Variants in SLF1 observed in about 807,000 individuals in gnomAD.
The protein encoded by SLF1 is SMC5-SMC6 complex localization factor protein 1.
A neutral mutation model predicts 123.0 loss-of-function variants in SLF1; 105 were observed. The ratio of observed to expected loss-of-function variants is 0.85; its 90% CI spans 0.73 to 1.00. SLF1 has a LOEUF of 1.00. Among genes scored for constraint, SLF1 ranks in the 50% least tolerant of loss-of-function variants. The probability of loss-of-function intolerance (pLI) is 0.00; values close to 1 mark genes in which losing one functional copy is unlikely to be tolerated. For missense variants in SLF1, 1,239 were observed against 1,223.0 expected (o/e 1.01, Z -0.20); for synonymous variants, 434 against 406.6 (o/e 1.07, Z -0.81).
intron 9 of SLF1, among the ~76,000 whole-genome samples, chr5:94,661,093 A>G (rs1164468927): frequency 6.6e-6 from 1 of 152,130 alleles, no homozygotes; most frequent in Non-Finnish European, 1.5e-5. Flanking sequence ...ACCTGGCGCC[A>G]TGCTGCAGCC....
At chr5:94,649,635 T>C in intron 6 of SLF1, 38 bp downstream of exon 6, 1 of 1,410,382 alleles carries the variant, frequency 7.1e-7, no homozygotes, top group Non-Finnish European at 9.4e-7. Flanking sequence ...ATTTCTGATG[T>C]TTCTTATAGA....
intron 18 of SLF1, 119 bp downstream of exon 18, chr5:94,689,725 G>A: frequency 6.0e-6 from 5 of 831,832 alleles, no homozygotes; most frequent in Non-Finnish European, 7.4e-6. Flanking sequence ...ACTAGGTCCA[G>A]GAAGTACCTT....
In SLF1 at chr5:94,629,146, T is replaced by A. The variant is rs1744933071; in HGVS notation, c.169T>A (p.Phe57Ile). The A allele has an allele frequency of 6.5e-7, 1 of 1,548,132 alleles. No homozygotes were observed. The highest frequency in any genetic ancestry group is 8.7e-7 in the Non-Finnish European group (1 of 1,145,684). ...IAERLCKSEK[F>I]LAACAAGKWI... ...TGAACGCCTATGTAAGAGTGAAAAA[T>A]TTTTAGCAGCTTGTGCGGCAGGTAA... Residue 57 changes from phenylalanine to isoleucine, a missense_variant, in exon 3 of 21, where the codon TTT becomes ATT. By Grantham distance (21) the Phe-to-Ile change is conservative (BLOSUM62 0). Transcript: ENST00000265140.
At chr5:94,634,822 T>A (rs1745573444) in intron 4 of SLF1, among the ~76,000 whole-genome samples, 1 of 152,156 alleles carries the variant, frequency 6.6e-6, no homozygotes, top group Admixed American at 6.5e-5. Context: ...ATTTAAAAAT[T>A]TATCTGTTGG....
chr5:94,688,221 T>C (rs1752675152), intron 16 of SLF1, among the ~76,000 whole-genome samples: 1 of 152,090 alleles, frequency 6.6e-6, no homozygotes, highest in African/African-American at 2.4e-5. Flanking sequence ...TCATACCTGT[T>C]GGGCATAAGA....
At chr5:94,691,362 G>A in intron 18 of SLF1, 1 of 499,848 alleles carries the variant, frequency 2.0e-6, no homozygotes, top group Non-Finnish European at 3.5e-6. Context: ...AACAGAAGCA[G>A]TATGGATTGG....
intron 1 of SLF1, among the ~76,000 whole-genome samples, chr5:94,626,019 C>T (rs1032137275): frequency 4.6e-5 from 7 of 151,690 alleles, no homozygotes; most frequent in Non-Finnish European, 8.8e-5. Context: ...CTTGGGAGGC[C>T]GAGGCAGGCA....
chr5:94,623,486 T>G (rs1048204094), intron 1 of SLF1, among the ~76,000 whole-genome samples: 1 of 152,142 alleles, frequency 6.6e-6, no homozygotes, highest in Non-Finnish European at 1.5e-5. Flanking sequence ...TTTTGCTTTT[T>G]TTTTCCCTCC....
intron 12 of SLF1, among the ~76,000 whole-genome samples, chr5:94,669,658 G>A (rs1750213212): frequency 6.6e-6 from 1 of 151,776 alleles, no homozygotes; most frequent in Non-Finnish European, 1.5e-5. Flanking sequence ...GGAGAGGACT[G>A]CTCTAGAAGA....
rs762000673 is a variant in SLF1, at chr5:94,663,853, C to G, written c.1313C>G (p.Ala438Gly). 32 of 1,550,890 alleles carry G rather than the reference C, an allele frequency of 2.1e-5. 1 individual carries two copies. In the South Asian group the frequency reaches 3.8e-4, roughly 19 times the overall value. Reference protein sequence around the residue: ...EAIEELSTLQAHYIPPVCVLH... With the variant: ...EAIEELSTLQGHYIPPVCVLH... ...ATTGAGGAACTTTCCACTTTGCAGG[C>G]ACATTATATCCCTCCTGTATGCGTT... is the stretch of plus-strand genomic sequence containing the variant. Residue 438 changes from alanine to glycine, a missense_variant, in exon 11 of 21, where the codon GCA (alanine) becomes GGA (glycine). Transcript: ENST00000265140.
intron 15 of SLF1, among the ~76,000 whole-genome samples, chr5:94,680,732 G>A (rs1751664523): frequency 6.6e-6 from 1 of 152,164 alleles, no homozygotes; most frequent in Non-Finnish European, 1.5e-5. Context: ...TCTACTACCT[G>A]TTATACATTT....
intron 12 of SLF1, among the ~76,000 whole-genome samples, chr5:94,669,191 T>C (rs921859461): frequency 2.0e-5 from 3 of 152,176 alleles, no homozygotes; most frequent in African/African-American, 7.2e-5. Context: ...CCATAATGCA[T>C]AGAGAAACGT....
intron 5 of SLF1, 151 bp from the exon 6 acceptor site, chr5:94,649,303 T>G (rs1747412211): frequency 3.8e-6 from 2 of 523,130 alleles, no homozygotes; most frequent in East Asian, 7.0e-5. Context: ...AAGATTTTTA[T>G]CAGTGTTTAA....
intron 19 of SLF1, among the ~76,000 whole-genome samples, 199 bp from the exon 20 acceptor site, chr5:94,691,875 C>A (rs1470853467): frequency 6.6e-6 from 1 of 151,956 alleles, no homozygotes; most frequent in Non-Finnish European, 1.5e-5. Context: ...TAATACCCAA[C>A]ATTAATATTT....
intron 15 of SLF1, among the ~76,000 whole-genome samples, chr5:94,680,143 C>T (rs983847002): frequency 1.3e-5 from 2 of 152,070 alleles, no homozygotes; most frequent in East Asian, 1.9e-4. Flanking sequence ...CTTCAGTATG[C>T]CATCAATCAC....
chr5:94,662,426 A>T (rs1376047121), intron 10 of SLF1, 75 bp downstream of exon 10: 4 of 1,299,454 alleles, frequency 3.1e-6, no homozygotes, highest in Non-Finnish European at 4.2e-6. Context: ...TATTTTGAAT[A>T]AAAGTAATGT....
intron 16 of SLF1, 82 bp from the exon 17 acceptor site, chr5:94,688,424 G>A: frequency 1.4e-6 from 2 of 1,398,522 alleles, no homozygotes; most frequent in Non-Finnish European, 2.0e-6. Flanking sequence ...ATAACCAAAT[G>A]TAATAGTGAA....
intron 17 of SLF1, 112 bp from the exon 18 acceptor site, chr5:94,689,361 G>A (rs1034093570): frequency 6.3e-6 from 7 of 1,112,606 alleles, no homozygotes; most frequent in Middle Eastern, 2.1e-4. Flanking sequence ...GATTGAATGA[G>A]TAAGGGAGTT....
At chr5:94,632,393 C>T (rs1745307551) in intron 4 of SLF1, among the ~76,000 whole-genome samples, 1 of 152,166 alleles carries the variant, frequency 6.6e-6, no homozygotes, top group Non-Finnish European at 1.5e-5. Context: ...TTTCCGTACA[C>T]ATTTTAGAAT....
Sources: allele counts gnomAD v4.1 joint callset (sites outside exome capture counted in the v4.1 genomes callset), GRCh38; gene constraint gnomAD v4.1.1; transcripts MANE v1.5; gene names NCBI Gene and HGNC (gene_info 2026-07-23, HGNC 2026-07-21).